Variants in ZDHHC14 observed in about 807,000 individuals in gnomAD.
The protein encoded by ZDHHC14 is zDHHC palmitoyltransferase 14.
Under a neutral mutation model 47.7 loss-of-function variants are expected in ZDHHC14, and 16 were observed. The observed-to-expected ratio is 0.34, with a 90% CI of 0.23 to 0.51. The LOEUF is 0.51. Among genes scored for constraint, ZDHHC14 ranks in the 20% least tolerant of loss-of-function variants. The probability of loss-of-function intolerance (pLI) is 0.97; values close to 1 mark genes in which losing one functional copy is unlikely to be tolerated. For missense variants in ZDHHC14, 515 were observed against 662.5 expected (o/e 0.78, Z 2.44); for synonymous variants, 293 against 278.9 (o/e 1.05, Z -0.50).
intron 1 of ZDHHC14, among the ~76,000 whole-genome samples, chr6:157,395,942 G>A (rs1203792520): frequency 6.6e-6 from 1 of 152,002 alleles, no homozygotes; most frequent in Non-Finnish European, 1.5e-5. Context: ...AATTTATTAA[G>A]AGCAACAGAT....
At chr6:157,598,468 G>A (rs1784216762) in intron 3 of ZDHHC14, among the ~76,000 whole-genome samples, 4 of 152,084 alleles carry the variant, frequency 2.6e-5, no homozygotes, top group Admixed American at 2.6e-4. Flanking sequence ...CTAAGTATGT[G>A]AAAATATGAG....
intron 1 of ZDHHC14, among the ~76,000 whole-genome samples, chr6:157,474,930 TTC>T (rs1250120350): frequency 6.6e-6 from 1 of 152,200 alleles, no homozygotes; most frequent in African/African-American, 2.4e-5. Context: ...TCTATTTTGC[TTC>T]TGTCTCCTGT....
chr6:157,608,276 T>C (rs1784619928), intron 3 of ZDHHC14, among the ~76,000 whole-genome samples: 1 of 151,974 alleles, frequency 6.6e-6, no homozygotes, highest in African/African-American at 2.4e-5. Flanking sequence ...GCCGATTATA[T>C]GGGCTCTGTG....
intron 1 of ZDHHC14, among the ~76,000 whole-genome samples, chr6:157,385,053 A>G (rs886745506): frequency 6.6e-6 from 1 of 152,122 alleles, no homozygotes; most frequent in African/African-American, 2.4e-5. Flanking sequence ...AAGTGCTGGG[A>G]TTATAGGTGT....
At chr6:157,581,808 G>C (rs372177059) in intron 2 of ZDHHC14, among the ~76,000 whole-genome samples, 1 of 151,920 alleles carries the variant, frequency 6.6e-6, no homozygotes, top group South Asian at 2.1e-4. Flanking sequence ...GAGCCTATGG[G>C]TGTCACTGCA....
intron 2 of ZDHHC14, among the ~76,000 whole-genome samples, chr6:157,570,481 C>A (rs146452889): frequency 6.6e-6 from 1 of 152,128 alleles, no homozygotes; most frequent in African/African-American, 2.4e-5. Flanking sequence ...CGCAGCACAG[C>A]GGTTTTGTGT....
intron 1 of ZDHHC14, among the ~76,000 whole-genome samples, chr6:157,497,030 G>C: frequency 6.6e-6 from 1 of 152,318 alleles, no homozygotes; most frequent in East Asian, 1.9e-4. Context: ...GAGTGGGTGG[G>C]TTAGGGAAGG....
chr6:157,381,497 T>G lies in ZDHHC14; in HGVS notation c.-525T>G. On this transcript the variant is annotated 5_prime_UTR_variant, in exon 1 of 9. Coordinates refer to ENST00000359775, the MANE Select transcript of ZDHHC14 (RefSeq NM_024630.3). ...CGCGCGGCCGCCCAGTCGCCAGCGC[T>G]CTCTCCTGGGAGGATCCGCTGCCGG... 2.7e-6 allele frequency: 1 copy of G among 374,186 alleles called. No homozygotes were observed. The highest frequency in any genetic ancestry group is 5.4e-6 in the Non-Finnish European group (1 of 185,444). The allele number at this position is 374,186 out of a possible 1,614,324, so 23.2% of individuals were successfully genotyped here.
intron 1 of ZDHHC14, among the ~76,000 whole-genome samples, chr6:157,420,858 C>T (rs998852714): frequency 7.9e-5 from 12 of 152,232 alleles, no homozygotes; most frequent in South Asian, 2.1e-4. Flanking sequence ...CTAAACATTG[C>T]GCTCCTCTTC....
chr6:157,479,808 C>T (rs1265681990), intron 1 of ZDHHC14, among the ~76,000 whole-genome samples: 5 of 152,242 alleles, frequency 3.3e-5, no homozygotes, highest in African/African-American at 1.2e-4. Flanking sequence ...CTGGTCCCCT[C>T]CTGGCCCAGA....
chr6:157,522,961 CT>C (rs1431727057), intron 1 of ZDHHC14, among the ~76,000 whole-genome samples: 1 of 46,364 alleles, frequency 2.2e-5, no homozygotes, highest in Non-Finnish European at 4.1e-5. Flanking sequence ...TTCCTTCCTT[CT>C]TTCTTTTCTT....
intron 3 of ZDHHC14, among the ~76,000 whole-genome samples, chr6:157,603,516 C>T (rs1020815449): frequency 6.6e-6 from 1 of 152,092 alleles, no homozygotes; most frequent in African/African-American, 2.4e-5. Context: ...ATTGAGAGGG[C>T]TGGAATTCAG....
chr6:157,572,560 T>G (rs1205573836), intron 2 of ZDHHC14, among the ~76,000 whole-genome samples: 3 of 151,860 alleles, frequency 2.0e-5, no homozygotes, highest in Non-Finnish European at 2.9e-5. Flanking sequence ...TTGTTACATA[T>G]GTATACATGT....
chr6:157,495,406 C>T (rs1331017922), intron 1 of ZDHHC14, among the ~76,000 whole-genome samples: 1 of 152,094 alleles, frequency 6.6e-6, no homozygotes, highest in East Asian at 1.9e-4. Context: ...CCATTTCTGC[C>T]CTCGAGTTCC....
chr6:157,415,461 C>T lies in ZDHHC14; in HGVS notation c.245+33195C>T, dbSNP rs185963103. 2.6e-3 allele frequency among the ~76,000 whole-genome samples: 393 copies of T among 152,278 alleles called. 2 individuals are homozygous for T. Among genetic ancestry groups the T allele is most frequent in the African/African-American group, 9.0e-3 (376 of 41,558 alleles). On this transcript the variant is annotated intron_variant, in intron 1 of 8. Transcript: ENST00000359775. ...GAATAGAAATTGGGTAATATTAGGG[C>T]TTTTATAGAACAGGTGGGATGTGCT...
At chr6:157,432,839 C>T (rs961199074) in intron 1 of ZDHHC14, among the ~76,000 whole-genome samples, 1 of 152,216 alleles carries the variant, frequency 6.6e-6, no homozygotes, top group Non-Finnish European at 1.5e-5. Context: ...GCTTTTCATG[C>T]TTCTGGAAGT....
chr6:157,471,477 G>C (rs573972098), intron 1 of ZDHHC14, among the ~76,000 whole-genome samples: 40 of 152,244 alleles, frequency 2.6e-4, no homozygotes, highest in African/African-American at 9.1e-4. Context: ...ACTGCACAGC[G>C]GGTCTTCACA....
At chr6:157,636,323 A>G (rs2114965805) in intron 5 of ZDHHC14, among the ~76,000 whole-genome samples, 1 of 111,456 alleles carries the variant, frequency 9.0e-6, no homozygotes, top group Non-Finnish European at 1.9e-5. Context: ...TAAGGACTAT[A>G]TAAGGATATA....
At chr6:157,559,909 G>A (rs1041609342) in intron 2 of ZDHHC14, among the ~76,000 whole-genome samples, 4 of 152,148 alleles carry the variant, frequency 2.6e-5, no homozygotes, top group Non-Finnish European at 5.9e-5. Flanking sequence ...CCATGGACAG[G>A]GCTGCAGGGA....
Sources: gnomAD v4.1 joint callset for allele counts (sites outside exome capture counted in the v4.1 genomes callset) on GRCh38, gnomAD v4.1.1 for gene constraint, MANE v1.5 for transcripts, NCBI Gene and HGNC (gene_info 2026-07-23, HGNC 2026-07-21) for gene names.